The following RASSF5 variants were observed in gnomAD, a reference collection of about 807,000 sequenced individuals.
The protein encoded by RASSF5 is ras association domain-containing protein 5.
RASSF5 carries 25 observed loss-of-function variants against 40.5 expected under a neutral mutation model. The observed-to-expected ratio is 0.62, with a 90% CI of 0.45 to 0.86. The LOEUF (loss-of-function observed/expected upper bound fraction) is 0.86, where lower values mean the gene tolerates loss of function less well. Ranked by LOEUF, RASSF5 falls within the 40% of genes least tolerant of loss-of-function variation. The pLI, the probability that RASSF5 is intolerant of heterozygous loss-of-function variation, is 0.00. For synonymous variants in RASSF5, 246 were observed against 252.4 expected, an observed-to-expected ratio of 0.97 and a Z score of 0.24; for missense variants, 521 against 572.8, an observed-to-expected ratio of 0.91 and a Z score of 0.92.
rs1553395021 is a variant in RASSF5, at chr1:206,513,798, C to T, written c.457+5739C>T. On this transcript the variant is annotated intron_variant, in intron 1 of 5. Transcript: ENST00000579436. The surrounding 1 kb of genome is among the most constrained non-coding windows in gnomAD (Gnocchi z 5.0). ...CAGTTTTGGGGCTTAGGGGAAACAG[C>T]GAGGAGGCTGAGGTGATGACGTTAG... Among the ~76,000 whole-genome samples, 1 of 152,180 alleles carries T rather than the reference C, an allele frequency of 6.6e-6. No homozygotes were observed. The highest frequency in any genetic ancestry group is 1.5e-5 in the Non-Finnish European group (1 of 68,036).
At chr1:206,568,366 C>T (rs880002852) in intron 2 of RASSF5, among the ~76,000 whole-genome samples, 29 of 152,286 alleles carry the variant, frequency 1.9e-4, no homozygotes, top group Middle Eastern at 3.4e-3. Flanking sequence ...GGTGAAGAGG[C>T]GCCCCAGCCC....
chr1:206,530,314 C>T (rs894725512), intron 1 of RASSF5, among the ~76,000 whole-genome samples: 2 of 152,066 alleles, frequency 1.3e-5, no homozygotes, highest in Non-Finnish European at 2.9e-5. Context: ...ATGTTGTGGA[C>T]ATATTTTCAT....
At chr1:206,537,776 G>A (rs1011262561) in intron 1 of RASSF5, among the ~76,000 whole-genome samples, 2 of 152,190 alleles carry the variant, frequency 1.3e-5, no homozygotes, top group Admixed American at 1.3e-4. Flanking sequence ...GCCCATAAAA[G>A]TCAAGTCCTT....
At chr1:206,530,282 A>G (rs1302222002) in intron 1 of RASSF5, among the ~76,000 whole-genome samples, 2 of 152,182 alleles carry the variant, frequency 1.3e-5, no homozygotes, top group Admixed American at 6.5e-5. Flanking sequence ...ATAAAACACA[A>G]TCTTTTTCCT....
intron 2 of RASSF5, among the ~76,000 whole-genome samples, chr1:206,538,524 T>C (rs782179507): frequency 1.3e-5 from 2 of 152,202 alleles, no homozygotes; most frequent in Non-Finnish European, 2.9e-5. Flanking sequence ...ACAGAGCCTA[T>C]TGTGGCTTAG....
chr1:206,508,063 A>G lies in RASSF5; in HGVS notation c.457+4A>G. 1 of 1,386,304 alleles carries G rather than the reference A, an allele frequency of 7.2e-7. No homozygotes were observed. The highest frequency in any genetic ancestry group is 9.3e-7 in the Non-Finnish European group (1 of 1,069,996). 85.9% of individuals were successfully genotyped at this position (1,386,304 alleles called of 1,614,324 possible). On this transcript the variant is annotated splice_donor_region_variant and intron_variant, in intron 1 of 5. Transcript: ENST00000579436. ...CGGCAGGCGCTGCGCTGCACTAGTA[A>G]GTGTGAAGGCAGGGGAGGGGCGTGC...
intron 2 of RASSF5, among the ~76,000 whole-genome samples, chr1:206,569,748 A>G (rs1353108368): frequency 2.0e-5 from 3 of 152,200 alleles, no homozygotes; most frequent in African/African-American, 4.8e-5. Flanking sequence ...CTTTCTGGGC[A>G]GTCCCCTGGG....
chr1:206,556,166 A>C (rs1245253028), intron 2 of RASSF5, among the ~76,000 whole-genome samples: 1 of 152,184 alleles, frequency 6.6e-6, no homozygotes. Flanking sequence ...AAAGATGGCA[A>C]AGTGCCCACC....
At chr1:206,554,159 T>C (rs1026213236) in intron 2 of RASSF5, among the ~76,000 whole-genome samples, 3 of 152,230 alleles carry the variant, frequency 2.0e-5, no homozygotes, top group African/African-American at 7.2e-5. Flanking sequence ...TATATGCCAC[T>C]ACATCTGATC....
chr1:206,533,679 TAGG>T (rs1218734570), intron 1 of RASSF5, among the ~76,000 whole-genome samples: 7 of 151,972 alleles, frequency 4.6e-5, no homozygotes, highest in Non-Finnish European at 7.4e-5. Context: ...GGCTTGAACC[TAGG>T]AGTTCGAGGT....
chr1:206,529,168 A>G (rs1553397611), intron 1 of RASSF5: 3 of 1,501,694 alleles, frequency 2.0e-6, no homozygotes, highest in East Asian at 2.3e-5. Flanking sequence ...CAGGCCCTGG[A>G]CCGCCAAACA....
chr1:206,561,622 C>A (rs1462065916), intron 2 of RASSF5, among the ~76,000 whole-genome samples: 6 of 151,146 alleles, frequency 4.0e-5, no homozygotes, highest in African/African-American at 9.7e-5. Context: ...ATACAAAGAA[C>A]AGAAGGTTGA....
In RASSF5 at chr1:206,531,880, A is replaced by T. The variant is rs1283276153; in HGVS notation, c.458-6292A>T. 6.7e-6 allele frequency among the ~76,000 whole-genome samples: 1 copy of T among 148,868 alleles called. No individual in the cohort carries two copies. The highest frequency in any genetic ancestry group is 2.6e-5 in the African/African-American group (1 of 39,120). On this transcript the variant is annotated intron_variant, in intron 1 of 5. Coordinates refer to ENST00000579436, the MANE Select transcript of RASSF5 (RefSeq NM_182663.4). This position sits in a 1 kb window ranked among gnomAD's most constrained non-coding sequence, Gnocchi z 4.7. Reference sequence around the variant, plus strand: ...GTGAAACCCTGTCTCTACTAAAAAAAAATAAATAAATAAATACAAAAATTA... The same window carrying T: ...GTGAAACCCTGTCTCTACTAAAAAATAATAAATAAATAAATACAAAAATTA...
chr1:206,526,706 T>C (rs1221542101), intron 1 of RASSF5, among the ~76,000 whole-genome samples: 1 of 151,996 alleles, frequency 6.6e-6, no homozygotes, highest in Non-Finnish European at 1.5e-5. Context: ...AGGCAGAAGT[T>C]GGAGGGAAGT....
At chr1:206,517,841 A>G (rs573592949) in intron 1 of RASSF5, among the ~76,000 whole-genome samples, 1 of 152,242 alleles carries the variant, frequency 6.6e-6, no homozygotes, top group African/African-American at 2.4e-5. Flanking sequence ...AGAAAAATGA[A>G]TGGCCTGACC....
chr1:206,550,349 A>G (rs782219469), intron 2 of RASSF5, among the ~76,000 whole-genome samples: 8 of 152,206 alleles, frequency 5.3e-5, no homozygotes, highest in Non-Finnish European at 1.0e-4. Context: ...AGTTCATTTA[A>G]TACCCAGCCT....
In RASSF5 at chr1:206,579,067, C is replaced by T. The variant is rs1668767747; in HGVS notation, c.580-4202C>T. On this transcript the variant is annotated intron_variant, in intron 2 of 5. Coordinates refer to ENST00000579436, the MANE Select transcript of RASSF5 (RefSeq NM_182663.4). The surrounding 1 kb of genome is among the most constrained non-coding windows in gnomAD (Gnocchi z 4.2). ...GCTGTGAACCCCTAGCACCCAGCCTCTTTACATGGCTGTTCCCCAATCACC... is the reference window on the plus strand; with the variant it reads ...GCTGTGAACCCCTAGCACCCAGCCTTTTTACATGGCTGTTCCCCAATCACC... Among the ~76,000 whole-genome samples, 1 of 152,204 alleles carries T rather than the reference C, an allele frequency of 6.6e-6. No individual in the cohort carries two copies. Among genetic ancestry groups the T allele is most frequent in the African/African-American group, 2.4e-5 (1 of 41,450 alleles).
intron 1 of RASSF5, among the ~76,000 whole-genome samples, chr1:206,510,020 T>C (rs1239817030): frequency 6.6e-6 from 1 of 152,160 alleles, no homozygotes; most frequent in Admixed American, 6.5e-5. Flanking sequence ...AAAACTGGAA[T>C]CGAGGGGCTA....
At chr1:206,529,967 A>G (rs782291989) in intron 1 of RASSF5, among the ~76,000 whole-genome samples, 4 of 152,176 alleles carry the variant, frequency 2.6e-5, no homozygotes, top group Non-Finnish European at 5.9e-5. Flanking sequence ...AGAAACACAT[A>G]TTGCCCAGTC....
Sources: gnomAD v4.1 joint callset for allele counts (sites outside exome capture counted in the v4.1 genomes callset) on GRCh38, gnomAD v4.1.1 for gene constraint, Gnocchi (gnomAD v3.1) non-coding constraint, MANE v1.5 for transcripts, NCBI Gene and HGNC (gene_info 2026-07-23, HGNC 2026-07-21) for gene names.